Variants in TPRG1 observed in about 807,000 individuals in gnomAD.
The protein encoded by TPRG1 is tumor protein p63 regulated 1, also known as tumor protein p63-regulated gene 1 protein.
TPRG1 carries 29 observed loss-of-function variants against 29.3 expected under a neutral mutation model. The ratio of observed to expected loss-of-function variants is 0.99; its 90% CI spans 0.74 to 1.35. The LOEUF (loss-of-function observed/expected upper bound fraction) is 1.35. TPRG1 is among the 40% of genes most tolerant of loss of function. The pLI is 0.00. For synonymous variants in TPRG1, 130 were observed against 116.8 expected, an observed-to-expected ratio of 1.11 and a Z score of -0.73; for missense variants, 327 against 335.0, an observed-to-expected ratio of 0.98 and a Z score of 0.19.
intron 5 of TPRG1, among the ~76,000 whole-genome samples, chr3:189,159,781 C>T (rs755918991): frequency 4.0e-5 from 6 of 151,592 alleles, no homozygotes; most frequent in East Asian, 1.9e-4. Context: ...CAGATTCATA[C>T]GCACAGTCCT....
chr3:189,196,498 A>T (rs566170672), intron 1 of TPRG1, among the ~76,000 whole-genome samples: 1 of 152,136 alleles, frequency 6.6e-6, no homozygotes, highest in African/African-American at 2.4e-5. Flanking sequence ...GGGAAGCAAG[A>T]CACATCTTAC....
chr3:189,265,525 C>T (rs1713901850), intron 4 of TPRG1, among the ~76,000 whole-genome samples: 1 of 152,218 alleles, frequency 6.6e-6, no homozygotes, highest in Admixed American at 6.5e-5. Context: ...CCCATCTCTC[C>T]TTCTCATAGG....
chr3:189,046,897 C>T (rs1337676181), intron 4 of TPRG1, among the ~76,000 whole-genome samples: 1 of 152,102 alleles, frequency 6.6e-6, no homozygotes, highest in Non-Finnish European at 1.5e-5. Context: ...AGAAAAACAA[C>T]AACAACAACC....
At chr3:189,246,809 CGTT>C (rs1741446808) in intron 4 of TPRG1, among the ~76,000 whole-genome samples, 1 of 152,134 alleles carries the variant, frequency 6.6e-6, no homozygotes, top group African/African-American at 2.4e-5. Flanking sequence ...ACTTTCAAGA[CGTT>C]GTTCCACCAT....
chr3:189,238,601 G>A, intron 3 of TPRG1, 132 bp from the exon 4 acceptor site: 1 of 657,884 alleles, frequency 1.5e-6, no homozygotes, highest in Non-Finnish European at 2.5e-6. Context: ...TGTGGTATTA[G>A]GTATTTCTCA....
At chr3:189,312,185 T>TTTCTTTCTTTCTTTCTTTCTTTC (rs1560689700) in intron 5 of TPRG1, among the ~76,000 whole-genome samples, 2 of 47,376 alleles carry the variant, frequency 4.2e-5, no homozygotes, top group Non-Finnish European at 8.1e-5. Context: ...TTCTTTCTTT[T>TTTCTTTCTTTCTTTCTTTCTTTC]TTTCTTTCTT....
At chr3:189,281,300 G>GA (rs1717081231) in intron 4 of TPRG1, among the ~76,000 whole-genome samples, 1 of 152,044 alleles carries the variant, frequency 6.6e-6, no homozygotes, top group Admixed American at 6.6e-5. Flanking sequence ...CCACAAATGT[G>GA]AAAATCTCCT....
intron 4 of TPRG1, among the ~76,000 whole-genome samples, chr3:189,287,683 C>T (rs1451012800): frequency 6.6e-6 from 1 of 152,182 alleles, no homozygotes; most frequent in Non-Finnish European, 1.5e-5. Flanking sequence ...AGGCGTGAGC[C>T]ACCATGCCCA....
chr3:189,267,561 A>G (rs940331541), intron 4 of TPRG1: 1 of 152,214 alleles, frequency 6.6e-6, no homozygotes, highest in Admixed American at 6.5e-5. Context: ...GAATTTTGGT[A>G]GAGAGTTATA....
chr3:189,083,399 G>A (rs1717731055), intron 4 of TPRG1, among the ~76,000 whole-genome samples: 1 of 152,182 alleles, frequency 6.6e-6, no homozygotes, highest in Non-Finnish European at 1.5e-5. Flanking sequence ...CAGGGAAGAT[G>A]CCTTATGCAT....
chr3:189,280,104 G>A lies in TPRG1; in HGVS notation c.480-30282G>A, dbSNP rs181785599. Among the ~76,000 whole-genome samples the A allele has an allele frequency of 4.8e-4, 73 of 152,096 alleles. 1 individual carries two copies. The highest frequency in any genetic ancestry group is 3.5e-3 in the Admixed American group (54 of 15,274). ...TTAGACTATCTCTTTTGTAGCTCAG[G>A]GACTTATCTGTTAACATATATCTCA... On this transcript the variant is annotated intron_variant, in intron 4 of 5. Coordinates refer to ENST00000345063, the MANE Select transcript of TPRG1 (RefSeq NM_198485.4).
At chr3:189,207,179 G>A in intron 1 of TPRG1, 197 bp from the exon 2 acceptor site, 1 of 984,808 alleles carries the variant, frequency 1.0e-6, no homozygotes, top group Non-Finnish European at 1.2e-6. Context: ...TCTGGTAAAT[G>A]ACCTTGCAGG....
intron 1 of TPRG1, among the ~76,000 whole-genome samples, chr3:189,179,819 G>T (rs1417015301): frequency 2.6e-5 from 4 of 152,286 alleles, no homozygotes; most frequent in Admixed American, 6.5e-5. Context: ...AGAAAAAGGG[G>T]GAGTACCCAA....
chr3:189,094,916 G>T (rs1029649198), intron 4 of TPRG1, among the ~76,000 whole-genome samples: 15 of 152,272 alleles, frequency 9.9e-5, no homozygotes, highest in African/African-American at 3.6e-4. Context: ...CATCCTGGAG[G>T]AGCAGGATGC....
intron 1 of TPRG1, among the ~76,000 whole-genome samples, chr3:189,105,961 G>T: frequency 6.6e-6 from 1 of 152,134 alleles, no homozygotes; most frequent in African/African-American, 2.4e-5. Flanking sequence ...ATACCTAGGC[G>T]ATGGGTTGAC....
At chr3:189,124,972 A>G (rs1243356450) in intron 1 of TPRG1, among the ~76,000 whole-genome samples, 3 of 152,212 alleles carry the variant, frequency 2.0e-5, no homozygotes, top group Non-Finnish European at 2.9e-5. Flanking sequence ...TTGCAATGAG[A>G]TCTTAAGTGA....
rs1008121347 is a variant in TPRG1, at chr3:189,321,505, C to A, written c.*685C>A. ...CGGCTTAGCATTGTATTCCGATGCCCAGATGTCAAACTTGAAGCTCATTCT... is the reference window on the plus strand; with the variant it reads ...CGGCTTAGCATTGTATTCCGATGCCAAGATGTCAAACTTGAAGCTCATTCT... On this transcript the variant is annotated 3_prime_UTR_variant, in exon 6 of 6. Coordinates refer to ENST00000345063, the MANE Select transcript of TPRG1 (RefSeq NM_198485.4). 1 of 151,992 alleles carries A rather than the reference C, an allele frequency of 6.6e-6. No homozygotes were observed. The highest frequency in any genetic ancestry group is 2.4e-5 in the African/African-American group (1 of 41,394). The allele number at this position is 151,992 out of a possible 1,614,324, so 9.4% of individuals were successfully genotyped here.
At chr3:189,195,685 A>T (rs4025723) in intron 1 of TPRG1, among the ~76,000 whole-genome samples, 85,551 of 152,092 alleles carry the variant, frequency 0.56, 25,427 homozygotes, top group African/African-American at 0.76. Context: ...CTGTGAGCAC[A>T]GCTGGGGATC....
chr3:189,257,280 A>G (rs1445296205), intron 4 of TPRG1, among the ~76,000 whole-genome samples: 1 of 152,170 alleles, frequency 6.6e-6, no homozygotes, highest in Non-Finnish European at 1.5e-5. Flanking sequence ...GTTTGGCTGG[A>G]TATGAAATTC....
Sources: gnomAD v4.1 joint callset for allele counts (sites outside exome capture counted in the v4.1 genomes callset) on GRCh38, gnomAD v4.1.1 for gene constraint, MANE v1.5 for transcripts, NCBI Gene and HGNC (gene_info 2026-07-23, HGNC 2026-07-21) for gene names.